The following MYCBPAP variants were observed in gnomAD, a reference collection of about 807,000 sequenced individuals.
MYCBPAP encodes MYCBP associated protein, also known as MYCBP-associated protein.
A neutral mutation model predicts 106.1 loss-of-function variants in MYCBPAP; 60 were observed. That is an observed-to-expected ratio of 0.57 (90% CI 0.46 to 0.70). MYCBPAP has a LOEUF of 0.70. Among genes scored for constraint, MYCBPAP ranks in the 30% least tolerant of loss-of-function variants. MYCBPAP has a pLI of 0.00. For missense variants in MYCBPAP, 1,064 were observed against 1,169.3 expected, an observed-to-expected ratio of 0.91 and a Z score of 1.31; for synonymous variants, 407 against 440.6, an observed-to-expected ratio of 0.92 and a Z score of 0.95.
intron 14 of MYCBPAP, 109 bp from the exon 15 acceptor site, chr17:50,527,178 C>T: frequency 1.3e-6 from 2 of 1,484,128 alleles, no homozygotes; most frequent in Non-Finnish European, 1.8e-6. Context: ...ATAGCTGCAT[C>T]CCCTCCTGGT....
In MYCBPAP at chr17:50,521,168, G is replaced by C; in HGVS notation, c.975G>C (p.Leu325=). 1.9e-6 allele frequency: 3 copies of C among 1,613,830 alleles called. No individual in the cohort carries two copies. The highest frequency in any genetic ancestry group is 2.5e-6 in the Non-Finnish European group (3 of 1,179,958). Reference sequence around the variant, plus strand: ...ACACCTGGGATCGGAGTCTGTTTCTGATCTACCGACGCAAGGAGCTGCAGA... The same window carrying C: ...ACACCTGGGATCGGAGTCTGTTTCTCATCTACCGACGCAAGGAGCTGCAGA... The part of the protein sequence containing the change: ...YRYTWDRSLF[L]IYRRKELQRI... The change falls in exon 8 of 19, where the codon CTG becomes CTC. Residue 325 remains leucine (L), a synonymous_variant. Transcript: ENST00000323776.
Position 50,514,336 on chromosome 17 carries a change from A to G in MYCBPAP, c.77-2234A>G, listed in dbSNP as rs1357512233. 2.0e-5 allele frequency among the ~76,000 whole-genome samples: 3 copies of G among 152,358 alleles called. No homozygotes were observed. The South Asian group carries it at 6.2e-4, about 32-fold the overall frequency. Reference sequence around the variant, plus strand: ...TTCGTGATATTGCCTCTTAAAGATTACGGTGCTGTAAGAAGCAGTGGATAA... The same window carrying G: ...TTCGTGATATTGCCTCTTAAAGATTGCGGTGCTGTAAGAAGCAGTGGATAA... On this transcript the variant is annotated intron_variant, in intron 1 of 18. Coordinates refer to ENST00000323776, the MANE Select transcript of MYCBPAP (RefSeq NM_032133.6).
At chr17:50,509,316 G>A (rs772803273) in intron 1 of MYCBPAP, 1 of 607,334 alleles carries the variant, frequency 1.6e-6, no homozygotes, top group Non-Finnish European at 3.0e-6. Context: ...TTTCCAGCTG[G>A]ATGACACTTA....
At chr17:50,526,387 A>AAGTGATCTCTT (rs2034461805) in intron 14 of MYCBPAP, 120 bp downstream of exon 14, 1 of 877,558 alleles carries the variant, frequency 1.1e-6, no homozygotes. Context: ...AGCCCAGAGA[A>AAGTGATCTCTT]AGTGATCTCT....
At chr17:50,517,261 G>A (rs1055017523) in intron 2 of MYCBPAP, 32 bp from the exon 3 acceptor site, 9 of 1,608,524 alleles carry the variant, frequency 5.6e-6, no homozygotes, top group Admixed American at 1.7e-5. Context: ...GCCACCACAG[G>A]TGGAATTCTC....
intron 1 of MYCBPAP, among the ~76,000 whole-genome samples, chr17:50,512,325 A>AT (rs1381641896): frequency 6.6e-6 from 1 of 151,952 alleles, no homozygotes; most frequent in African/African-American, 2.4e-5. Flanking sequence ...AAGTGCTGGG[A>AT]TTACAGGCGT....
intron 10 of MYCBPAP, chr17:50,522,709 A>AAAAAAAAAAAAAAAATAT: frequency 6.0e-5 from 3 of 50,016 alleles, no homozygotes; most frequent in Non-Finnish European, 1.0e-4. Flanking sequence ...AAAAAAAAAA[A>AAAAAAAAAAAAAAAATAT]ATATATATAT....
chr17:50,523,600 T>C lies in MYCBPAP; in HGVS notation c.1451T>C (p.Val484Ala). Reference sequence around the variant, plus strand: ...CTCGGGTCTCTGTCCCTCTCAGGTGTGATTCTGCCTGGAGAAATTAAAACA... The same window carrying C: ...CTCGGGTCTCTGTCCCTCTCAGGTGCGATTCTGCCTGGAGAAATTAAAACA... ...QRFYFDNREG[V>A]ILPGEIKTFT... Residue 484 changes from valine (V) to alanine (A), a missense_variant, in exon 12 of 19, where the codon GTG becomes GCG. Val to Ala is a moderately conservative substitution (Grantham distance 64). Transcript: ENST00000323776. 6.2e-7 allele frequency: 1 copy of C among 1,614,154 alleles called. No homozygotes were observed. Among genetic ancestry groups the C allele is most frequent in the Admixed American group, 1.7e-5 (1 of 60,016 alleles).
Position 50,510,473 on chromosome 17 carries a change from ATGTGTGTG to A in MYCBPAP, c.76+1743_76+1750del, listed in dbSNP as rs1180380321. The A allele has an allele frequency of 5.9e-4, 57 of 96,252 alleles. 1 individual carries two copies. The highest frequency in any genetic ancestry group is 2.5e-3 in the African/African-American group (51 of 20,770). 6.0% of individuals were successfully genotyped at this position (96,252 alleles called of 1,614,324 possible). Reference sequence around the variant, plus strand: ...ATATATATTATGTATATGTGTATATATGTGTGTGTGTGTGTGTGTGTGTGTGTATATAT... The same window carrying A: ...ATATATATTATGTATATGTGTATATATGTGTGTGTGTGTGTGTGTATATAT... On this transcript the variant is annotated intron_variant, in intron 1 of 18. Coordinates refer to ENST00000323776, the MANE Select transcript of MYCBPAP (RefSeq NM_032133.6).
rs765730790 is a variant in MYCBPAP at position 50,521,158 on chromosome 17, G to A, written c.965G>A (p.Ser322Asn). Residue 322 changes from serine to asparagine, a missense_variant, in exon 8 of 19, where the codon AGT (serine) becomes AAT (asparagine). Ser to Asn is a conservative substitution (Grantham distance 46). Coordinates refer to ENST00000323776, the MANE Select transcript of MYCBPAP (RefSeq NM_032133.6). ...TCATACCGCTACACCTGGGATCGGA[G>A]TCTGTTTCTGATCTACCGACGCAAG... ...DASYRYTWDRSLFLIYRRKEL... is the reference protein window; with the variant it reads ...DASYRYTWDRNLFLIYRRKEL... The A allele has an allele frequency of 1.9e-6, 3 of 1,613,850 alleles. No homozygotes were observed. The highest frequency in any genetic ancestry group is 2.5e-6 in the Non-Finnish European group (3 of 1,179,986).
At chr17:50,522,709 A>AAAAAAAAAAAAAAAAAAAATATATATAT in intron 10 of MYCBPAP, 12 of 49,976 alleles carry the variant, frequency 2.4e-4, no homozygotes, top group South Asian at 7.9e-4. Context: ...AAAAAAAAAA[A>AAAAAAAAAAAAAAAAAAAATATATATAT]ATATATATAT....
chr17:50,519,344 A>C, intron 6 of MYCBPAP: 4 of 586,080 alleles, frequency 6.8e-6, no homozygotes, highest in South Asian at 6.4e-5. Flanking sequence ...CTAGGAGCTT[A>C]GACTGAGTGG....
Position 50,508,626 on chromosome 17 carries a change from T to G in MYCBPAP, c.-49T>G, listed in dbSNP as rs1269525914. 1.9e-6 allele frequency: 3 copies of G among 1,569,832 alleles called. No homozygotes were observed. Among genetic ancestry groups the G allele is most frequent in the Non-Finnish European group, 2.6e-6 (3 of 1,155,938 alleles). On this transcript the variant is annotated 5_prime_UTR_variant, in exon 1 of 19. Transcript: ENST00000323776. ...TGGCGGGTGCGGCGCAGCCTCGGTGTCTCTGGGCCGGCGGTGCAGGGCAAC... is the reference window on the plus strand; with the variant it reads ...TGGCGGGTGCGGCGCAGCCTCGGTGGCTCTGGGCCGGCGGTGCAGGGCAAC...
chr17:50,526,310 G>GAA, intron 14 of MYCBPAP, 43 bp downstream of exon 14: 1 of 1,528,092 alleles, frequency 6.5e-7, no homozygotes, highest in South Asian at 1.3e-5. Flanking sequence ...GAATATTCCT[G>GAA]CCTCGAACCA....
intron 7 of MYCBPAP, 77 bp from the exon 8 acceptor site, chr17:50,521,033 C>T (rs780026652): frequency 1.5e-4 from 177 of 1,197,002 alleles, no homozygotes; most frequent in Non-Finnish European, 2.0e-4. Context: ...GATAGGCACT[C>T]TCAGAGCCCT....
At chr17:50,509,536 CT>C (rs2033745305) in intron 1 of MYCBPAP, 2 of 151,018 alleles carry the variant, frequency 1.3e-5, no homozygotes, top group African/African-American at 5.4e-5. Context: ...CTTTTTTTTT[CT>C]GTGTGTGTGT....
chr17:50,520,018 C>G, intron 7 of MYCBPAP: 2 of 492,740 alleles, frequency 4.1e-6, no homozygotes, highest in South Asian at 2.7e-5. Context: ...ATAGAGCTGC[C>G]GTCCAGTGTG....
intron 10 of MYCBPAP, 25 bp downstream of exon 10, chr17:50,522,106 C>G: frequency 6.3e-7 from 1 of 1,586,466 alleles, no homozygotes; most frequent in Non-Finnish European, 8.6e-7. Context: ...ACCACACCTG[C>G]TGGGAGAGCC....
intron 14 of MYCBPAP, among the ~76,000 whole-genome samples, chr17:50,526,621 TG>T (rs1388748442): frequency 6.6e-6 from 1 of 151,854 alleles, no homozygotes; most frequent in East Asian, 1.9e-4. Flanking sequence ...CTTGCTGTGT[TG>T]CCCAGGCTGG....
Sources: allele counts gnomAD v4.1 joint callset (sites outside exome capture counted in the v4.1 genomes callset), GRCh38; gene constraint gnomAD v4.1.1; transcripts MANE v1.5; gene names NCBI Gene and HGNC (gene_info 2026-07-23, HGNC 2026-07-21).